Variants in DHRSX observed in about 807,000 individuals in gnomAD.
DHRSX encodes the protein polyprenol dehydrogenase.
A neutral mutation model predicts 34.0 loss-of-function variants in DHRSX; 31 were observed. The observed-to-expected ratio is 0.91, with a 90% confidence interval of 0.69 to 1.23. DHRSX has a LOEUF of 1.23. Ranked by LOEUF, DHRSX falls within the 50% of genes most tolerant of loss-of-function variation. DHRSX has a pLI of 0.00. For missense variants in DHRSX, 414 were observed against 428.1 expected (o/e 0.97, Z 0.29); for synonymous variants, 201 against 183.8 (o/e 1.09, Z -0.76).
intron 1 of DHRSX, among the ~76,000 whole-genome samples, chrX:2,439,731 G>T (rs1228501825): frequency 6.6e-6 from 1 of 152,062 alleles, no homozygotes; most frequent in Non-Finnish European, 1.5e-5. Context: ...ACGCCACCTA[G>T]GTCCCTCACA....
At position 2,245,470 on chromosome X, in the gene DHRSX, G is replaced by A. The variant is rs757138123; in HGVS notation, c.597-2240C>T. Among the ~76,000 whole-genome samples the A allele has an allele frequency of 6.6e-5, 10 of 151,318 alleles. No homozygotes were observed. In the East Asian group the frequency reaches 1.2e-3, roughly 18 times the overall value. ...ATTACCAGCGCCCGCCACCACGCCC[G>A]GCTAATTTTTTGTATTTTTAGTAGA... is the stretch of plus-strand genomic sequence containing the variant. On this transcript the variant is annotated intron_variant, in intron 5 of 6. Transcript: ENST00000334651.
intron 3 of DHRSX, among the ~76,000 whole-genome samples, chrX:2,300,139 C>G (rs2041994093): frequency 6.6e-6 from 1 of 152,142 alleles, no homozygotes; most frequent in Admixed American, 6.5e-5. Context: ...CCTAAAAAAT[C>G]CTTTTGTCTG....
intron 5 of DHRSX, among the ~76,000 whole-genome samples, chrX:2,262,364 T>G (rs2041375146): frequency 6.6e-6 from 1 of 151,864 alleles, no homozygotes; most frequent in African/African-American, 2.4e-5. Flanking sequence ...CGCACATGAC[T>G]CACCTGTGCA....
At chrX:2,292,717 A>G (rs1282992032) in intron 3 of DHRSX, among the ~76,000 whole-genome samples, 1 of 152,168 alleles carries the variant, frequency 6.6e-6, no homozygotes, top group Non-Finnish European at 1.5e-5. Flanking sequence ...AATACACAAA[A>G]TGGCTCAGAA....
At chrX:2,447,283 C>A (rs1430217175) in intron 1 of DHRSX, among the ~76,000 whole-genome samples, 1 of 152,138 alleles carries the variant, frequency 6.6e-6, no homozygotes, top group South Asian at 2.1e-4. Flanking sequence ...AAGGGACTGC[C>A]ACCGTGTACA....
chrX:2,385,917 C>A (rs1408301567), intron 3 of DHRSX, among the ~76,000 whole-genome samples: 1 of 151,974 alleles, frequency 6.6e-6, no homozygotes, highest in Non-Finnish European at 1.5e-5. Flanking sequence ...GGATAAATGG[C>A]CAAATACTAC....
intron 3 of DHRSX, among the ~76,000 whole-genome samples, chrX:2,324,764 CTTTTCTTTT>C (rs1370918495): frequency 1.4e-5 from 2 of 142,632 alleles, no homozygotes; most frequent in African/African-American, 5.4e-5. Flanking sequence ...AGGCTTTTTT[CTTTTCTTTT>C]TTTTTTTTTT....
At chrX:2,265,098 A>G (rs1389736429) in intron 5 of DHRSX, among the ~76,000 whole-genome samples, 1 of 143,124 alleles carries the variant, frequency 7.0e-6, no homozygotes, top group African/African-American at 2.6e-5. Flanking sequence ...CGCAGGGAGC[A>G]CTGTCCCCAG....
chrX:2,298,193 C>A (rs2041957475), intron 3 of DHRSX, among the ~76,000 whole-genome samples: 1 of 151,942 alleles, frequency 6.6e-6, no homozygotes, highest in African/African-American at 2.4e-5. Context: ...CTGGGGGAGG[C>A]CAAAAGGATC....
intron 3 of DHRSX, among the ~76,000 whole-genome samples, chrX:2,371,414 T>A (rs78172227): frequency 0.037 from 1,298 of 35,244 alleles, 29 homozygotes; most frequent in African/African-American, 0.12. Context: ...ATTACCATAG[T>A]CCCTCCTTCT....
intron 3 of DHRSX, among the ~76,000 whole-genome samples, chrX:2,292,264 C>G (rs921501604): frequency 8.5e-5 from 13 of 152,146 alleles, no homozygotes; most frequent in African/African-American, 2.9e-4. Flanking sequence ...TGGCCAAAAG[C>G]CAGCAAGATA....
chrX:2,294,813 AGAGAGGGAGAG>A (rs2041912944), intron 3 of DHRSX, among the ~76,000 whole-genome samples: 1 of 149,216 alleles, frequency 6.7e-6, no homozygotes, highest in Non-Finnish European at 1.5e-5. Flanking sequence ...GAGAGGAAAA[AGAGAGGGAGAG>A]AGAGAGGGAG....
chrX:2,243,920 T>C (rs931972027), intron 5 of DHRSX, among the ~76,000 whole-genome samples: 11 of 148,956 alleles, frequency 7.4e-5, no homozygotes, highest in African/African-American at 2.2e-4. Flanking sequence ...CAGGCTCCTG[T>C]CACCACGCCC....
At chrX:2,275,130 T>C (rs2041607830) in intron 4 of DHRSX, among the ~76,000 whole-genome samples, 1 of 152,164 alleles carries the variant, frequency 6.6e-6, no homozygotes, top group Non-Finnish European at 1.5e-5. Flanking sequence ...CATGTTTTTT[T>C]CGGCATCAGT....
chrX:2,394,439 G>A (rs185595692), intron 3 of DHRSX, among the ~76,000 whole-genome samples: 148 of 152,348 alleles, frequency 9.7e-4, no homozygotes, highest in Middle Eastern at 6.8e-3. Flanking sequence ...AGCTATCGGT[G>A]AGGATAGCCG....
intron 5 of DHRSX, among the ~76,000 whole-genome samples, chrX:2,243,811 T>TGTG (rs1260142739): frequency 8.0e-6 from 1 of 124,884 alleles, no homozygotes; most frequent in Non-Finnish European, 1.6e-5. Flanking sequence ...TTTTTTTTTT[T>TGTG]TTTTTTTTTT....
intron 4 of DHRSX, among the ~76,000 whole-genome samples, chrX:2,282,620 G>C (rs753410168): frequency 2.3e-5 from 2 of 87,524 alleles, no homozygotes; most frequent in South Asian, 8.4e-4. Context: ...AAAGAGGGGA[G>C]GGAGAGAAGA....
intron 6 of DHRSX, among the ~76,000 whole-genome samples, chrX:2,228,510 AAG>A (rs2015788586): frequency 8.1e-6 from 1 of 123,792 alleles, no homozygotes; most frequent in Admixed American, 8.1e-5. Context: ...GGAAGGAAAA[AAG>A]GGAGGCAAAA....
chrX:2,484,653 G>A (rs757507758), intron 1 of DHRSX, among the ~76,000 whole-genome samples: 5 of 152,068 alleles, frequency 3.3e-5, no homozygotes, highest in African/African-American at 7.2e-5. Flanking sequence ...GGGGCATGGC[G>A]AGTTCATTTT....
Sources: allele counts gnomAD v4.1 joint callset (sites outside exome capture counted in the v4.1 genomes callset), GRCh38; gene constraint gnomAD v4.1.1; transcripts MANE v1.5; gene names NCBI Gene and HGNC (gene_info 2026-07-23, HGNC 2026-07-21).